Variants in WIZ observed in about 807,000 individuals in gnomAD.
WIZ encodes WIZ zinc finger, also known as protein Wiz.
A neutral mutation model predicts 140.2 loss-of-function variants in WIZ; 25 were observed. The observed-to-expected ratio is 0.18, with a 90% CI of 0.13 to 0.25. WIZ has a LOEUF of 0.25. Ranked by LOEUF, WIZ falls within the 10% of genes least tolerant of loss-of-function variation. The pLI, the probability that WIZ is intolerant of heterozygous loss-of-function variation, is 1.00. For missense variants in WIZ, 2,231 were observed against 2,632.6 expected (o/e 0.85, Z 3.34); for synonymous variants, 1,125 against 1,154.3 (o/e 0.97, Z 0.51).
chr19:15,434,307 A>G (rs1969434160), intron 5 of WIZ, among the ~76,000 whole-genome samples: 1 of 150,130 alleles, frequency 6.7e-6, no homozygotes, highest in African/African-American at 2.5e-5. Context: ...TACACCTGTA[A>G]TCCTAGCACT....
Position 15,427,654 on chromosome 19 carries a change from G to A in WIZ, c.3815-121C>T. On this transcript the variant is annotated intron_variant, in intron 8 of 12. Coordinates refer to ENST00000673675, the MANE Select transcript of WIZ (RefSeq NM_001371589.1). This position sits in a 1 kb window ranked among gnomAD's most constrained non-coding sequence, Gnocchi z 6.4. ...GCACGCCCACAGGTTAGGGTGGTGA[G>A]GGCAGGTGCAGGTAAGGGAGTGGAG... 1 of 1,150,796 alleles carries A rather than the reference G, an allele frequency of 8.7e-7. No homozygotes were observed. The highest frequency in any genetic ancestry group is 1.2e-6 in the Non-Finnish European group (1 of 834,674). The allele number at this position is 1,150,796 out of a possible 1,614,324, so 71.3% of individuals were successfully genotyped here. A position where few individuals can be genotyped will look rare whatever the true frequency, so the allele number is the denominator to read the frequency against.
In WIZ at chr19:15,439,998, C is replaced by G. The variant is rs1222573022; in HGVS notation, c.996G>C (p.Glu332Asp). The stretch of plus-strand genomic sequence containing the variant: ...GGGCTCGGCGGTGCTGGCTCATGTG[C>G]TCCAGGAGGTGCTCCTTCTGCTTGA... ...IYFKQKEHLL[E>D]HMSQHRRAPG... Residue 332 changes from glutamate to aspartate, a missense_variant, in exon 4 of 13, where the codon GAG becomes GAC. Physicochemically the swap from Glu to Asp is conservative, Grantham distance 45. This residue lies in a region of WIZ where 475 missense variants were observed against 520.2 expected (regional missense o/e 0.91). Coordinates refer to ENST00000673675, the MANE Select transcript of WIZ (RefSeq NM_001371589.1). The surrounding 1 kb of genome is among the most constrained non-coding windows in gnomAD (Gnocchi z 7.0). 5.2e-6 allele frequency: 8 copies of G among 1,535,742 alleles called. No homozygotes were observed. Among genetic ancestry groups the G allele is most frequent in the Non-Finnish European group, 7.0e-6 (8 of 1,146,802 alleles).
chr19:15,447,684 G>A (rs1969966667), intron 2 of WIZ, among the ~76,000 whole-genome samples: 2 of 152,230 alleles, frequency 1.3e-5, no homozygotes, highest in South Asian at 4.1e-4. Flanking sequence ...CACTACAGAA[G>A]CTGTTTTGGC....
Position 15,440,364 on chromosome 19 carries a change from T to A in WIZ, c.630A>T (p.Pro210=). 6.5e-7 allele frequency: 1 copy of A among 1,530,464 alleles called. No homozygotes were observed. The highest frequency in any genetic ancestry group is 1.4e-5 in the African/African-American group (1 of 72,912). The allele number at this position is 1,530,464 out of a possible 1,614,324, so 94.8% of individuals were successfully genotyped here. ...GLHLDLPAQP[P]PLAPFRRVFV... is the part of the protein sequence containing the mutation. ...ACACCCTCCTGAAGGGGGCGAGGGG[T>A]GGCGGCTGGGCAGGCAGGTCCAAGT... Residue 210 remains proline, a synonymous_variant, in exon 4 of 13, where the codon CCA becomes CCT. Transcript: ENST00000673675. This position sits in a 1 kb window ranked among gnomAD's most constrained non-coding sequence, Gnocchi z 6.2.
chr19:15,431,163 GT>G lies in WIZ; in HGVS notation c.2759del (p.Asn920ThrfsTer31). 6.5e-7 allele frequency: 1 copy of G among 1,530,312 alleles called. No homozygotes were observed. Among genetic ancestry groups the G allele is most frequent in the Non-Finnish European group, 8.7e-7 (1 of 1,143,372 alleles). 94.8% of individuals were successfully genotyped at this position (1,530,312 alleles called of 1,614,324 possible). A position where few individuals can be genotyped will look rare whatever the true frequency, so the allele number is the denominator to read the frequency against. ...AGCCCAAGTCCATGGCCACCATTGC[GT>G]TTTCCTCAGAACCCAGGCCTGTGGG... is the stretch of plus-strand genomic sequence containing the variant. ...AYGDGLGSEENAMVAMDLGSP... is the reference protein window; with the variant it reads ...AYGDGLGSEEXAMVAMDLGSP... On this transcript the variant is annotated frameshift_variant, in exon 6 of 13. Transcript: ENST00000673675. LOFTEE classifies it high-confidence loss of function.
intron 9 of WIZ, among the ~76,000 whole-genome samples, chr19:15,426,247 C>A (rs1401358619): frequency 2.0e-5 from 3 of 152,194 alleles, no homozygotes; most frequent in Non-Finnish European, 4.4e-5. Flanking sequence ...GCATGGGGCA[C>A]AGAGCTGGTA....
chr19:15,449,324 C>G (rs1056461558), intron 1 of WIZ: 2 of 152,284 alleles, frequency 1.3e-5, no homozygotes, highest in Middle Eastern at 3.3e-3. Context: ...GGGGCTCCTC[C>G]GTGGGCTGGC....
intron 4 of WIZ, among the ~76,000 whole-genome samples, chr19:15,438,008 C>T (rs959276756): frequency 7.9e-5 from 12 of 152,128 alleles, no homozygotes; most frequent in Non-Finnish European, 1.3e-4. Flanking sequence ...CACACACACA[C>T]ACACGCACAC....
intron 2 of WIZ, among the ~76,000 whole-genome samples, chr19:15,445,516 G>A (rs1225777068): frequency 6.6e-6 from 1 of 152,202 alleles, no homozygotes; most frequent in Non-Finnish European, 1.5e-5. Context: ...GATGTCTCAA[G>A]GGGGAAGCTT....
At chr19:15,446,115 G>C (rs1248248372) in intron 2 of WIZ, among the ~76,000 whole-genome samples, 1 of 152,162 alleles carries the variant, frequency 6.6e-6, no homozygotes, top group Non-Finnish European at 1.5e-5. Flanking sequence ...CAGCTGCTGA[G>C]GGAAACCTTC....
intron 7 of WIZ, among the ~76,000 whole-genome samples, chr19:15,429,179 A>G (rs1457379726): frequency 6.6e-6 from 1 of 151,908 alleles, no homozygotes; most frequent in Admixed American, 6.6e-5. Context: ...AATCGTGGGC[A>G]CCTCCCATCA....
rs1375506283 is a variant in WIZ, at chr19:15,429,959, G to A, written c.3042C>T (p.Asp1014=). 6 of 1,536,032 alleles carry A rather than the reference G, an allele frequency of 3.9e-6. No individual in the cohort carries two copies. The highest frequency in any genetic ancestry group is 1.4e-5 in the African/African-American group (1 of 73,168). Residue 1014 remains aspartate, a synonymous_variant, in exon 7 of 13, where the codon GAC becomes GAT. Transcript: ENST00000673675. ...TCTGCTTCACAAGCTCGTAGAGGAG[G>A]TCGATGGGTGCGCCGCTGCTTTCCG... ...AESESSGAPI[D]LLYELVKQKG...
In WIZ at chr19:15,440,857, G is replaced by A. The variant is rs1169098000; in HGVS notation, c.279-142C>T. The A allele has an allele frequency of 5.4e-6, 4 of 744,608 alleles. No homozygotes were observed. In the Admixed American group the frequency reaches 1.2e-4, roughly 22 times the overall value. 46.1% of individuals were successfully genotyped at this position (744,608 alleles called of 1,614,324 possible). Reference sequence around the variant, plus strand: ...GTGACAGGGGTGTGGGGGTGAGGGTGGGAGGTAGGGGGAGTCCACGTGGAT... The same window carrying A: ...GTGACAGGGGTGTGGGGGTGAGGGTAGGAGGTAGGGGGAGTCCACGTGGAT... On this transcript the variant is annotated intron_variant, in intron 3 of 12. Coordinates refer to ENST00000673675, the MANE Select transcript of WIZ (RefSeq NM_001371589.1). This position sits in a 1 kb window ranked among gnomAD's most constrained non-coding sequence, Gnocchi z 6.2.
In WIZ at chr19:15,427,518, G is replaced by A; in HGVS notation, c.3830C>T (p.Pro1277Leu). The A allele has an allele frequency of 6.2e-7, 1 of 1,609,012 alleles. No homozygotes were observed. The change falls in exon 9 of 13, where the codon CCA becomes CTA. Residue 1277 changes from proline to leucine, a missense_variant. Pro to Leu is a moderately conservative substitution (Grantham distance 98). This residue lies in a region of WIZ where 141 missense variants were observed against 161.2 expected (regional missense o/e 0.87). Coordinates refer to ENST00000673675, the MANE Select transcript of WIZ (RefSeq NM_001371589.1). The surrounding 1 kb of genome is among the most constrained non-coding windows in gnomAD (Gnocchi z 6.4). ...SPLNLSSGPE[P>L]ARDIRCEFCG... ...GAACTCGCAGCGGATGTCTCGTGCTGGCTCTGGGCCTGAGGCTGCAGCAGG... is the reference window on the plus strand; with the variant it reads ...GAACTCGCAGCGGATGTCTCGTGCTAGCTCTGGGCCTGAGGCTGCAGCAGG...
intron 1 of WIZ, 196 bp downstream of exon 1, chr19:15,449,602 G>A (rs369361434): frequency 6.6e-6 from 1 of 151,674 alleles, no homozygotes; most frequent in Non-Finnish European, 1.5e-5. Context: ...GCCGAGGTAG[G>A]GGGGACACCT....
At position 15,424,175 on chromosome 19, in the gene WIZ, C is replaced by G. The variant is rs1968555258; in HGVS notation, c.5510+8G>C. Reference sequence around the variant, plus strand: ...GTGGTCTCCCTCCCTCCCCCAGGGGCAGCCTACCTGCATTTGAGGGTGTAG... The same window carrying G: ...GTGGTCTCCCTCCCTCCCCCAGGGGGAGCCTACCTGCATTTGAGGGTGTAG... On this transcript the variant is annotated splice_region_variant and intron_variant, in intron 12 of 12. Transcript: ENST00000673675. This position sits in a 1 kb window ranked among gnomAD's most constrained non-coding sequence, Gnocchi z 9.7. 6.6e-7 allele frequency: 1 copy of G among 1,504,794 alleles called. No individual in the cohort carries two copies. Among genetic ancestry groups the G allele is most frequent in the Non-Finnish European group, 8.9e-7 (1 of 1,128,138 alleles). The allele number at this position is 1,504,794 out of a possible 1,614,324, so 93.2% of individuals were successfully genotyped here. A position where few individuals can be genotyped will look rare whatever the true frequency, so the allele number is the denominator to read the frequency against.
Position 15,440,123 on chromosome 19 carries a change from A to G in WIZ, c.871T>C (p.Cys291Arg). Residue 291 changes from cysteine to arginine, a missense_variant, in exon 4 of 13, where the codon TGT (cysteine) becomes CGT (arginine). Transcript: ENST00000673675. This position sits in a 1 kb window ranked among gnomAD's most constrained non-coding sequence, Gnocchi z 6.2. ...LPPIRTGPYL[C>R]ELLEEVAEGV... Reference sequence around the variant, plus strand: ...TCGGCCACCTCCTCCAGCAGCTCACACAGGTAGGGCCCGGTCCGGATCGGG... The same window carrying G: ...TCGGCCACCTCCTCCAGCAGCTCACGCAGGTAGGGCCCGGTCCGGATCGGG... 1 of 1,533,820 alleles carries G rather than the reference A, an allele frequency of 6.5e-7. No homozygotes were observed. The highest frequency in any genetic ancestry group is 1.2e-5 in the South Asian group (1 of 83,842).
chr19:15,425,517 C>T lies in WIZ; in HGVS notation c.4618G>A (p.Val1540Met), dbSNP rs201815512. ...PALAEDGPPTVAPGPVQSPLP... is the reference protein window; with the variant it reads ...PALAEDGPPTMAPGPVQSPLP... The stretch of plus-strand genomic sequence containing the variant: ...GGGGACTGCACGGGCCCAGGGGCCA[C>T]GGTGGGAGGCCCGTCCTCAGCCAGG... Residue 1540 changes from valine to methionine, a missense_variant, in exon 10 of 13, where the codon GTG (valine) becomes ATG (methionine). Physicochemically the swap from Val to Met is conservative, Grantham distance 21. Transcript: ENST00000673675. The T allele has an allele frequency of 2.5e-4, 400 of 1,610,978 alleles. 3 individuals are homozygous for T. In the African/African-American group the frequency reaches 3.4e-3, roughly 14 times the overall value.
Position 15,427,315 on chromosome 19 carries a change from G to A in WIZ, c.4033C>T (p.Pro1345Ser), listed in dbSNP as rs373041125. Residue 1345 changes from proline (P) to serine (S), a missense_variant, in exon 9 of 13, where the codon CCA becomes TCA. Coordinates refer to ENST00000673675, the MANE Select transcript of WIZ (RefSeq NM_001371589.1). This position sits in a 1 kb window ranked among gnomAD's most constrained non-coding sequence, Gnocchi z 6.4. ...CCCATCATCTTGGCCAGGGCTTTTG[G>A]GCTTGGCCCTGGTGGGTTGGGAGGT... is the stretch of plus-strand genomic sequence containing the variant. ...GGPPNPPGPS[P>S]KALAKMMGGA... 3.3e-5 allele frequency: 54 copies of A among 1,613,564 alleles called. No homozygotes were observed. In the African/African-American group the frequency reaches 6.9e-4, roughly 21 times the overall value.
Sources: allele counts gnomAD v4.1 joint callset (sites outside exome capture counted in the v4.1 genomes callset), GRCh38; gene constraint gnomAD v4.1.1; regional missense constraint gnomAD v4.1.1; non-coding constraint Gnocchi (gnomAD v3.1); transcripts MANE v1.5; gene names NCBI Gene and HGNC (gene_info 2026-07-23, HGNC 2026-07-21).